ST6GALNAC5: variants seen among roughly 807,000 people sequenced by gnomAD.
The protein encoded by ST6GALNAC5 is ST6 N-acetylgalactosaminide alpha-2,6-sialyltransferase 5.
A neutral mutation model predicts 33.6 loss-of-function variants in ST6GALNAC5; 27 were observed. That is an observed-to-expected ratio of 0.80 (90% CI 0.59 to 1.11). The LOEUF is 1.11. ST6GALNAC5 is among the 50% of genes least tolerant of loss of function. The probability of loss-of-function intolerance (pLI) is 0.00; values close to 1 mark genes in which losing one functional copy is unlikely to be tolerated. For missense variants in ST6GALNAC5, 428 were observed against 454.0 expected, an observed-to-expected ratio of 0.94 and a Z score of 0.52; for synonymous variants, 194 against 171.2, an observed-to-expected ratio of 1.13 and a Z score of -1.04.
chr1:76,970,023 A>C (rs1175326750), intron 2 of ST6GALNAC5, among the ~76,000 whole-genome samples: 6 of 152,142 alleles, frequency 3.9e-5, no homozygotes, highest in Non-Finnish European at 1.5e-5. Context: ...AAAAAAGGAC[A>C]TCCACACCAA....
intron 2 of ST6GALNAC5, among the ~76,000 whole-genome samples, chr1:77,021,447 T>G (rs1005597626): frequency 1.3e-5 from 2 of 152,178 alleles, no homozygotes; most frequent in African/African-American, 4.8e-5. Context: ...TGAGTATTAA[T>G]GACTTCATTA....
At chr1:77,061,617 A>C (rs1372264254) in intron 4 of ST6GALNAC5, among the ~76,000 whole-genome samples, 2 of 152,222 alleles carry the variant, frequency 1.3e-5, no homozygotes, top group Admixed American at 6.5e-5. Flanking sequence ...GTTGCTGAGC[A>C]TAGCTCAAAT....
intron 2 of ST6GALNAC5, among the ~76,000 whole-genome samples, chr1:76,923,864 T>C (rs1056554289): frequency 6.6e-6 from 1 of 152,158 alleles, no homozygotes; most frequent in African/African-American, 2.4e-5. Flanking sequence ...TATACTGATA[T>C]TCACAGAAAC....
chr1:77,057,771 G>A (rs530278490), intron 4 of ST6GALNAC5, among the ~76,000 whole-genome samples: 2 of 152,248 alleles, frequency 1.3e-5, no homozygotes, highest in East Asian at 1.9e-4. Flanking sequence ...CAAATGCCAA[G>A]GTACCATATT....
chr1:77,015,306 C>T (rs752979946), intron 2 of ST6GALNAC5, among the ~76,000 whole-genome samples: 9 of 152,106 alleles, frequency 5.9e-5, no homozygotes, highest in South Asian at 2.1e-4. Context: ...GGTTGTTAAT[C>T]CTTTCCTTAA....
At chr1:76,989,614 T>TA (rs1649644156) in intron 2 of ST6GALNAC5, among the ~76,000 whole-genome samples, 1 of 152,186 alleles carries the variant, frequency 6.6e-6, no homozygotes, top group African/African-American at 2.4e-5. Flanking sequence ...TCTGTATTTA[T>TA]AAGGGCTTTC....
At chr1:76,936,596 G>A (rs1279547391) in intron 2 of ST6GALNAC5, among the ~76,000 whole-genome samples, 1 of 152,038 alleles carries the variant, frequency 6.6e-6, no homozygotes, top group Non-Finnish European at 1.5e-5. Flanking sequence ...ATGTGCTATT[G>A]AAATTTGAAG....
intron 2 of ST6GALNAC5, among the ~76,000 whole-genome samples, chr1:77,000,935 AG>A (rs1337377922): frequency 6.6e-6 from 1 of 151,776 alleles, no homozygotes; most frequent in Non-Finnish European, 1.5e-5. Flanking sequence ...TGATGCCTCC[AG>A]CTTTGTTCTT....
chr1:76,931,889 A>G (rs1329298125), intron 2 of ST6GALNAC5, among the ~76,000 whole-genome samples: 2 of 152,152 alleles, frequency 1.3e-5, no homozygotes, highest in Non-Finnish European at 2.9e-5. Flanking sequence ...AAAAAGAATC[A>G]GCAAAAGAAA....
At position 77,067,053 on chromosome 1, in the gene ST6GALNAC5, C is replaced by T. The variant is rs1652802375; in HGVS notation, c.*3847C>T. On this transcript the variant is annotated 3_prime_UTR_variant, in exon 5 of 5. Transcript: ENST00000477717. The stretch of plus-strand genomic sequence containing the variant: ...AAGTGGGGAGTGAAGAAGAGGGGTC[C>T]CCAAGACACAGACTTCAGTGCTAAA... Among the ~76,000 whole-genome samples, 2 of 152,062 alleles carry T rather than the reference C, an allele frequency of 1.3e-5. No homozygotes were observed. Among genetic ancestry groups the T allele is most frequent in the South Asian group, 4.1e-4 (2 of 4,822 alleles).
chr1:77,043,539 C>T lies in ST6GALNAC5; in HGVS notation c.262-665C>T, dbSNP rs151216519. Among the ~76,000 whole-genome samples, 3 of 152,316 alleles carry T rather than the reference C, an allele frequency of 2.0e-5. No individual in the cohort carries two copies. The East Asian group carries it at 5.8e-4, about 29-fold the overall frequency. On this transcript the variant is annotated intron_variant, in intron 2 of 4. Coordinates refer to ENST00000477717, the MANE Select transcript of ST6GALNAC5 (RefSeq NM_030965.3). ...GGACAACTCAGTTTCTCTCCCTCAT[C>T]CGTTAAAATAGAAGAAGCAATCCTA...
chr1:76,907,301 C>T (rs1211969890), intron 2 of ST6GALNAC5, among the ~76,000 whole-genome samples: 1 of 152,122 alleles, frequency 6.6e-6, no homozygotes, highest in Admixed American at 6.6e-5. Flanking sequence ...ACCCTGCTTA[C>T]TACTCTCGCT....
chr1:76,916,013 TAA>T (rs35703086), intron 2 of ST6GALNAC5, among the ~76,000 whole-genome samples: 1,974 of 146,992 alleles, frequency 0.013, 42 homozygotes, highest in African/African-American at 0.047. Context: ...ATCTGCATTT[TAA>T]AAAAAAAAAA....
At chr1:77,032,954 G>C (rs967840014) in intron 2 of ST6GALNAC5, among the ~76,000 whole-genome samples, 5 of 152,138 alleles carry the variant, frequency 3.3e-5, no homozygotes, top group African/African-American at 1.2e-4. Context: ...TGTGGAATCG[G>C]GCTTGTCGGG....
In ST6GALNAC5 at chr1:77,047,349, T is replaced by G. The variant is rs12137418; in HGVS notation, c.671+2736T>G. On this transcript the variant is annotated intron_variant, in intron 3 of 4. Coordinates refer to ENST00000477717, the MANE Select transcript of ST6GALNAC5 (RefSeq NM_030965.3). ...TTTCTGTAAATTAAAACCTAAAACA[T>G]TTAGGGTGTAATGGTATTTCTCAAT... Among the ~76,000 whole-genome samples, 450 of 152,284 alleles carry G rather than the reference T, an allele frequency of 3.0e-3. 2 individuals are homozygous for G. The highest frequency in any genetic ancestry group is 0.01 in the Middle Eastern group (3 of 294).
At chr1:77,037,995 G>A (rs545888101) in intron 2 of ST6GALNAC5, among the ~76,000 whole-genome samples, 13 of 152,286 alleles carry the variant, frequency 8.5e-5, no homozygotes, top group South Asian at 2.1e-4. Context: ...TACTATCTTC[G>A]TGTCATAGAT....
At position 77,045,409 on chromosome 1, in the gene ST6GALNAC5, T is replaced by C. The variant is rs752552063; in HGVS notation, c.671+796T>C. Among the ~76,000 whole-genome samples, 137 of 152,306 alleles carry C rather than the reference T, an allele frequency of 9.0e-4. 2 individuals carry two copies. Among genetic ancestry groups the C allele is most frequent in the Non-Finnish European group, 1.7e-3 (113 of 68,030 alleles). On this transcript the variant is annotated intron_variant, in intron 3 of 4. Transcript: ENST00000477717. ...GATGGATAGGGATTTCTTCTCAAAG[T>C]GATGAAAATGTTCTGAAATTAGTGG...
At chr1:77,048,942 G>C (rs374627868) in intron 3 of ST6GALNAC5, among the ~76,000 whole-genome samples, 2 of 126,660 alleles carry the variant, frequency 1.6e-5, no homozygotes, top group Non-Finnish European at 3.2e-5. Context: ...GTAAGATTCA[G>C]CCCACTTATT....
chr1:76,895,610 A>C (rs562078712), intron 2 of ST6GALNAC5, among the ~76,000 whole-genome samples: 14 of 152,332 alleles, frequency 9.2e-5, no homozygotes, highest in South Asian at 8.3e-4. Context: ...TCCTGCCAGC[A>C]AAGATTATTT....
Sources: gnomAD v4.1 joint callset for allele counts (sites outside exome capture counted in the v4.1 genomes callset) on GRCh38, gnomAD v4.1.1 for gene constraint, MANE v1.5 for transcripts, NCBI Gene and HGNC (gene_info 2026-07-23, HGNC 2026-07-21) for gene names.